The following RBFOX1 variants were observed in gnomAD, a reference collection of about 807,000 sequenced individuals.
RBFOX1 encodes RNA binding protein fox-1 homolog 1.
Under a neutral mutation model 57.7 loss-of-function variants are expected in RBFOX1, and 8 were observed. The ratio of observed to expected loss-of-function variants is 0.14; its 90% CI spans 0.08 to 0.25. The LOEUF (loss-of-function observed/expected upper bound fraction) is 0.25. Ranked by LOEUF, RBFOX1 falls within the 10% of genes least tolerant of loss-of-function variation. The pLI, the probability that RBFOX1 is intolerant of heterozygous loss-of-function variation, is 1.00. For synonymous variants in RBFOX1, 326 were observed against 222.4 expected (o/e 1.47, Z -4.15); for missense variants, 611 against 548.5 (o/e 1.11, Z -1.14).
chr16:7,208,838 G>C (rs1007176260), intron 4 of RBFOX1, among the ~76,000 whole-genome samples: 3 of 152,040 alleles, frequency 2.0e-5, no homozygotes, highest in East Asian at 1.9e-4. Flanking sequence ...TTCTGTGTCT[G>C]TAAGCAAACA....
rs552495670 is a variant in RBFOX1, at chr16:7,664,216, T to G, written c.891-713T>G. Among the ~76,000 whole-genome samples, 3 of 152,350 alleles carry G rather than the reference T, an allele frequency of 2.0e-5. No homozygotes were observed. In the South Asian group the frequency reaches 6.2e-4, roughly 32 times the overall value. ...TATACACTATAGACAAATACATGCA[T>G]TCCTGCACTTGTCCATATTAACACA... is the stretch of plus-strand genomic sequence containing the variant. On this transcript the variant is annotated intron_variant, in intron 12 of 15. Coordinates refer to ENST00000550418, the MANE Select transcript of RBFOX1 (RefSeq NM_018723.4).
intron 2 of RBFOX1, among the ~76,000 whole-genome samples, chr16:6,557,069 A>C: frequency 6.9e-6 from 1 of 144,634 alleles, no homozygotes; most frequent in African/African-American, 2.6e-5. Flanking sequence ...ATATACATAC[A>C]TATATACATA....
chr16:5,478,818 A>G (rs2069420901), intron 2 of RBFOX1, among the ~76,000 whole-genome samples: 1 of 152,080 alleles, frequency 6.6e-6, no homozygotes, highest in Admixed American at 6.6e-5. Context: ...GAGGGCATTT[A>G]TAGGCCCTAC....
At chr16:6,547,664 C>G (rs1251271906) in intron 2 of RBFOX1, among the ~76,000 whole-genome samples, 1 of 152,056 alleles carries the variant, frequency 6.6e-6, no homozygotes, top group Non-Finnish European at 1.5e-5. Context: ...AATGTGATCG[C>G]TTTTTGAGGT....
chr16:6,557,390 G>C (rs747640498), intron 2 of RBFOX1, among the ~76,000 whole-genome samples: 4 of 152,034 alleles, frequency 2.6e-5, no homozygotes, highest in Non-Finnish European at 5.9e-5. Flanking sequence ...ATTACATCAA[G>C]AAATGGAGAT....
intron 4 of RBFOX1, among the ~76,000 whole-genome samples, chr16:7,324,441 T>TC (rs1205007912): frequency 3.9e-5 from 6 of 151,920 alleles, no homozygotes; most frequent in Non-Finnish European, 8.8e-5. Flanking sequence ...AGCTGCATCC[T>TC]CCCCCCTTCT....
chr16:6,317,124 GA>G, intron 2 of RBFOX1, 67 bp downstream of exon 2: 7 of 1,420,178 alleles, frequency 4.9e-6, no homozygotes, highest in Non-Finnish European at 6.7e-6. Context: ...TGTTCTCTCT[GA>G]AAAGCTCTTT....
chr16:7,655,363 G>A (rs2066044042), intron 12 of RBFOX1, among the ~76,000 whole-genome samples: 1 of 152,184 alleles, frequency 6.6e-6, no homozygotes, highest in Non-Finnish European at 1.5e-5. Context: ...CAAAACAAGA[G>A]CTCTCTCTAT....
At chr16:7,665,000 G>T (rs539629033) in intron 13 of RBFOX1, 32 bp downstream of exon 13, 6 of 1,613,784 alleles carry the variant, frequency 3.7e-6, no homozygotes, top group Middle Eastern at 1.7e-4. Context: ...TGCCATCCCC[G>T]TTTCCTCCTG....
chr16:7,339,093 C>T (rs1162587196), intron 4 of RBFOX1, among the ~76,000 whole-genome samples: 1 of 152,130 alleles, frequency 6.6e-6, no homozygotes, highest in Non-Finnish European at 1.5e-5. Flanking sequence ...CAAACAGGTC[C>T]AGGTTGATAT....
At chr16:5,287,664 G>A (rs1271085780) in intron 1 of RBFOX1, among the ~76,000 whole-genome samples, 3 of 152,112 alleles carry the variant, frequency 2.0e-5, no homozygotes, top group Non-Finnish European at 2.9e-5. Flanking sequence ...CTTATCTTCC[G>A]CTGGAAGCTG....
At chr16:6,243,194 G>A (rs1284695865) in intron 1 of RBFOX1, among the ~76,000 whole-genome samples, 1 of 151,754 alleles carries the variant, frequency 6.6e-6, no homozygotes, top group Admixed American at 6.6e-5. Flanking sequence ...CTAGGAGAAA[G>A]CTTTTTCATT....
chr16:6,650,700 T>A (rs1326713576), intron 2 of RBFOX1, among the ~76,000 whole-genome samples: 1 of 152,202 alleles, frequency 6.6e-6, no homozygotes, highest in African/African-American at 2.4e-5. Flanking sequence ...CTTCACCTTA[T>A]GATATTGTCT....
intron 4 of RBFOX1, among the ~76,000 whole-genome samples, chr16:7,184,963 C>G (rs968139217): frequency 3.9e-5 from 6 of 152,284 alleles, no homozygotes; most frequent in Admixed American, 6.5e-5. Flanking sequence ...TTACCTCTCT[C>G]AAGCATTACA....
chr16:5,851,241 T>C (rs937202211), intron 3 of RBFOX1, among the ~76,000 whole-genome samples: 1 of 152,188 alleles, frequency 6.6e-6, no homozygotes, highest in Non-Finnish European at 1.5e-5. Flanking sequence ...AGGATATCAG[T>C]GTGCATTCAG....
rs145117829 is a variant in RBFOX1 at position 5,462,825 on chromosome 16, C to T, written c.220-4391C>T. ...GAGGAGGCGATGTAAGAGTGGCATT[C>T]GGTGGGTAAAGGCCAGGGGCACTGC... On this transcript the variant is annotated intron_variant, in intron 1 of 2. Transcript: ENST00000585867. Among the ~76,000 whole-genome samples, 480 of 152,122 alleles carry T rather than the reference C, an allele frequency of 3.2e-3. 6 individuals are homozygous for T. Among genetic ancestry groups the T allele is most frequent in the African/African-American group, 0.011 (444 of 41,502 alleles).
chr16:6,210,941 G>C (rs906120036), intron 1 of RBFOX1, among the ~76,000 whole-genome samples: 1 of 151,984 alleles, frequency 6.6e-6, no homozygotes, highest in African/African-American at 2.4e-5. Context: ...TTCTTTGAGG[G>C]GGCCTTGCAT....
chr16:5,317,054 T>G (rs534056867), intron 1 of RBFOX1, among the ~76,000 whole-genome samples: 1 of 152,318 alleles, frequency 6.6e-6, no homozygotes, highest in Admixed American at 6.5e-5. Context: ...CTTGCACCGA[T>G]AGCCTCCTGG....
At chr16:5,454,906 C>T (rs1239864616) in intron 1 of RBFOX1, among the ~76,000 whole-genome samples, 10 of 68,066 alleles carry the variant, frequency 1.5e-4, no homozygotes, top group East Asian at 4.3e-4. Context: ...TTCTTTCTTT[C>T]TTTCTTTCCT....
Sources: allele counts gnomAD v4.1 joint callset (sites outside exome capture counted in the v4.1 genomes callset), GRCh38; gene constraint gnomAD v4.1.1; transcripts MANE v1.5; gene names NCBI Gene and HGNC (gene_info 2026-07-23, HGNC 2026-07-21).